The following LIG1 variants were observed in gnomAD, a reference collection of about 807,000 sequenced individuals.
LIG1 encodes the protein DNA ligase 1.
Under a neutral mutation model 115.7 loss-of-function variants are expected in LIG1, and 70 were observed. The ratio of observed to expected loss-of-function variants is 0.60; its 90% CI spans 0.50 to 0.74. LIG1 has a LOEUF of 0.74. Among genes scored for constraint, LIG1 ranks in the 30% least tolerant of loss-of-function variants. LIG1 has a pLI of 0.00. For synonymous variants in LIG1, 487 were observed against 495.3 expected (o/e 0.98, Z 0.22); for missense variants, 1,115 against 1,225.6 (o/e 0.91, Z 1.35).
In LIG1 at chr19:48,165,630, C is replaced by T; in HGVS notation, c.-57-7G>A. On this transcript the variant is annotated splice_polypyrimidine_tract_variant and splice_region_variant and intron_variant, in intron 1 of 27. Transcript: ENST00000263274. Reference sequence around the variant, plus strand: ...CTTCGTCTGTCAGCTGCTCCTGGAACAGAAATCCAAACACTTGTTGAGGTG... The same window carrying T: ...CTTCGTCTGTCAGCTGCTCCTGGAATAGAAATCCAAACACTTGTTGAGGTG... The T allele has an allele frequency of 1.2e-6, 2 of 1,611,492 alleles. No individual in the cohort carries two copies. Among genetic ancestry groups the T allele is most frequent in the Non-Finnish European group, 1.7e-6 (2 of 1,178,310 alleles).
intron 19 of LIG1, among the ~76,000 whole-genome samples, chr19:48,130,533 G>C (rs2033949177): frequency 6.6e-6 from 1 of 152,154 alleles, no homozygotes; most frequent in Non-Finnish European, 1.5e-5. Context: ...AACTCGTCCT[G>C]ACTCCTCCTC....
At chr19:48,154,362 G>A (rs2035701232) in intron 5 of LIG1, 1 of 305,002 alleles carries the variant, frequency 3.3e-6, no homozygotes, top group South Asian at 3.1e-5. Flanking sequence ...GAAGTGGCAG[G>A]GAATAAACTA....
chr19:48,123,855 A>T (rs274881), intron 21 of LIG1, among the ~76,000 whole-genome samples: 28,010 of 99,972 alleles, frequency 0.28, 3,553 homozygotes, highest in African/African-American at 0.5. Flanking sequence ...CAAGATAATT[A>T]AAAAAAAAAA....
chr19:48,134,765 C>T (rs1452367497), intron 16 of LIG1, among the ~76,000 whole-genome samples: 1 of 152,276 alleles, frequency 6.6e-6, no homozygotes, highest in African/African-American at 2.4e-5. Flanking sequence ...TAGAGCCCCA[C>T]GTGCAGGCAG....
chr19:48,160,292 C>T (rs1203995673), intron 4 of LIG1, among the ~76,000 whole-genome samples: 1 of 152,144 alleles, frequency 6.6e-6, no homozygotes, highest in East Asian at 1.9e-4. Context: ...CTGAGCAAAG[C>T]ATGGAAGAAA....
In LIG1 at chr19:48,137,410, G is replaced by C; in HGVS notation, c.1254+112C>G. 1.5e-6 allele frequency: 2 copies of C among 1,366,816 alleles called. No individual in the cohort carries two copies. Among genetic ancestry groups the C allele is most frequent in the African/African-American group, 1.4e-5 (1 of 70,088 alleles). 84.7% of individuals were successfully genotyped at this position (1,366,816 alleles called of 1,614,324 possible). A position where few individuals can be genotyped will look rare whatever the true frequency, so the allele number is the denominator to read the frequency against. On this transcript the variant is annotated intron_variant, in intron 13 of 27. Coordinates refer to ENST00000263274, the MANE Select transcript of LIG1 (RefSeq NM_000234.3). This position sits in a 1 kb window ranked among gnomAD's most constrained non-coding sequence, Gnocchi z 4.3. The stretch of plus-strand genomic sequence containing the variant: ...GGAGAGGAAGCTGTGCACCCCATGA[G>C]AAGGACTGATGCGACCCAGCTGATG...
At chr19:48,120,813 G>A (rs1276282630) in intron 24 of LIG1, 1 of 589,396 alleles carries the variant, frequency 1.7e-6, no homozygotes, top group Non-Finnish European at 2.3e-6. Flanking sequence ...AAAATGTGGG[G>A]ACAAAAAAAA....
intron 4 of LIG1, 110 bp from the exon 5 acceptor site, chr19:48,157,250 C>T (rs1464058239): frequency 2.4e-6 from 3 of 1,269,038 alleles, no homozygotes; most frequent in South Asian, 1.6e-5. Flanking sequence ...TCCTTTCTGA[C>T]CCTATGGTCT....
At chr19:48,160,157 G>T (rs371489460) in intron 4 of LIG1, among the ~76,000 whole-genome samples, 3 of 152,214 alleles carry the variant, frequency 2.0e-5, no homozygotes, top group Non-Finnish European at 4.4e-5. Flanking sequence ...TGAGACTCAC[G>T]ACTCCCAAAC....
chr19:48,137,970 AG>A lies in LIG1; in HGVS notation c.1088-283del, dbSNP rs1203116074. 2 of 537,808 alleles carry A rather than the reference AG, an allele frequency of 3.7e-6. No individual in the cohort carries two copies. The highest frequency in any genetic ancestry group is 6.8e-6 in the Non-Finnish European group (2 of 294,434). The allele number at this position is 537,808 out of a possible 1,614,324, so 33.3% of individuals were successfully genotyped here. On this transcript the variant is annotated intron_variant, in intron 12 of 27. Transcript: ENST00000263274. The surrounding 1 kb of genome is among the most constrained non-coding windows in gnomAD (Gnocchi z 4.3). Reference sequence around the variant, plus strand: ...GGGAGACATCTGGGCCGGTGTCATCAGGGCGCGGATGGGATTTAAAGCCACA... The same window carrying A: ...GGGAGACATCTGGGCCGGTGTCATCAGGCGCGGATGGGATTTAAAGCCACA...
At chr19:48,169,283 C>T (rs1395820829) in intron 1 of LIG1, among the ~76,000 whole-genome samples, 4 of 152,126 alleles carry the variant, frequency 2.6e-5, no homozygotes, top group Non-Finnish European at 5.9e-5. Flanking sequence ...AGGAATCAAG[C>T]TGCACGGGCA....
intron 9 of LIG1, among the ~76,000 whole-genome samples, chr19:48,145,500 G>A (rs971202512): frequency 6.6e-6 from 1 of 152,222 alleles, no homozygotes; most frequent in East Asian, 1.9e-4. Context: ...AAGGGTTGGG[G>A]GGGAGAAAGA....
At chr19:48,123,402 A>G in intron 21 of LIG1, 84 bp from the exon 22 acceptor site, 3 of 1,493,064 alleles carry the variant, frequency 2.0e-6, no homozygotes, top group Non-Finnish European at 2.8e-6. Context: ...CGAACAGGAC[A>G]TGTGCGGGTC....
intron 23 of LIG1, among the ~76,000 whole-genome samples, chr19:48,121,574 GGT>G (rs1168385911): frequency 1.3e-5 from 2 of 152,302 alleles, no homozygotes; most frequent in East Asian, 3.9e-4. Context: ...GGCCGAGGCG[GGT>G]GGATCACCTG....
In LIG1 at chr19:48,150,109, T is replaced by C; in HGVS notation, c.676A>G (p.Lys226Glu). Residue 226 changes from lysine (K) to glutamate (E), a missense_variant, in exon 8 of 28, where the codon AAG becomes GAG. Lys to Glu is a moderately conservative substitution (Grantham distance 56, BLOSUM62 1). Transcript: ENST00000263274. ...EQTKPPRRAP[K>E]TLSSFFTPRK... ...TCACTGAAGAAGCTGCTGAGCGTCTTGGGAGCTCTGCGGGGAGGCTTGGTC... is the reference window on the plus strand; with the variant it reads ...TCACTGAAGAAGCTGCTGAGCGTCTCGGGAGCTCTGCGGGGAGGCTTGGTC... The C allele has an allele frequency of 6.2e-7, 1 of 1,614,178 alleles. No homozygotes were observed. The highest frequency in any genetic ancestry group is 8.5e-7 in the Non-Finnish European group (1 of 1,180,026).
intron 12 of LIG1, among the ~76,000 whole-genome samples, chr19:48,139,640 T>C (rs2034611516): frequency 6.6e-6 from 1 of 151,994 alleles, no homozygotes; most frequent in Non-Finnish European, 1.5e-5. Flanking sequence ...CCAGTCAAAG[T>C]CCTTTCAGAC....
chr19:48,116,006 C>T (rs746305040), intron 26 of LIG1, 41 bp from the exon 27 acceptor site: 41 of 1,479,016 alleles, frequency 2.8e-5, no homozygotes, highest in African/African-American at 1.1e-4. Context: ...CCAGCCCCAG[C>T]GACCCCCTGC....
intron 2 of LIG1, among the ~76,000 whole-genome samples, chr19:48,164,521 C>G (rs1328637653): frequency 1.3e-5 from 2 of 152,202 alleles, no homozygotes; most frequent in East Asian, 3.8e-4. Context: ...AGGCTGCATC[C>G]CTGTGGCTGG....
chr19:48,131,377 T>A (rs2034014931), intron 18 of LIG1, among the ~76,000 whole-genome samples: 1 of 152,192 alleles, frequency 6.6e-6, no homozygotes, highest in South Asian at 2.1e-4. Context: ...TTCTTCTTCA[T>A]TTCCAATCCC....
Sources: allele counts gnomAD v4.1 joint callset (sites outside exome capture counted in the v4.1 genomes callset), GRCh38; gene constraint gnomAD v4.1.1; non-coding constraint Gnocchi (gnomAD v3.1); transcripts MANE v1.5; gene names NCBI Gene and HGNC (gene_info 2026-07-23, HGNC 2026-07-21).